Variants in ATE1 observed in about 807,000 individuals in gnomAD.
ATE1 encodes the protein arginyltransferase 1, also known as arginyl-tRNA--protein transferase 1.
ATE1 carries 36 observed loss-of-function variants against 70.5 expected under a neutral mutation model. The observed-to-expected ratio is 0.51, with a 90% CI of 0.39 to 0.67. The LOEUF (loss-of-function observed/expected upper bound fraction) is 0.67. Ranked by LOEUF, ATE1 falls within the 30% of genes least tolerant of loss-of-function variation. The pLI, the probability that ATE1 is intolerant of heterozygous loss-of-function variation, is 0.00. For synonymous variants in ATE1, 232 were observed against 219.3 expected (o/e 1.06, Z -0.51); for missense variants, 593 against 629.5 (o/e 0.94, Z 0.62).
chr10:121,865,689 A>G (rs1949641348), intron 8 of ATE1, among the ~76,000 whole-genome samples: 2 of 152,194 alleles, frequency 1.3e-5, no homozygotes, highest in South Asian at 4.1e-4. Flanking sequence ...GCCTGACTTG[A>G]CGAGGTGATA....
At chr10:121,817,436 G>A (rs1190154848) in intron 10 of ATE1, among the ~76,000 whole-genome samples, 1 of 152,108 alleles carries the variant, frequency 6.6e-6, no homozygotes, top group Non-Finnish European at 1.5e-5. Flanking sequence ...CTACTCGGGA[G>A]GCTGAGGCAG....
intron 3 of ATE1, among the ~76,000 whole-genome samples, chr10:121,915,030 G>C (rs924032457): frequency 7.9e-5 from 12 of 152,124 alleles, no homozygotes; most frequent in Admixed American, 1.3e-4. Context: ...ATTTCCAATG[G>C]AACACTGAAA....
intron 10 of ATE1, among the ~76,000 whole-genome samples, chr10:121,794,589 A>C (rs1267268592): frequency 7.8e-6 from 1 of 127,614 alleles, no homozygotes; most frequent in East Asian, 2.5e-4. Context: ...ACTCCAGATC[A>C]GGTGACAAAG....
chr10:121,863,737 A>T (rs962219749), intron 8 of ATE1, among the ~76,000 whole-genome samples: 4 of 152,036 alleles, frequency 2.6e-5, no homozygotes, highest in Non-Finnish European at 4.4e-5. Context: ...AGTCTCTCTC[A>T]CAGCTGGGAC....
chr10:121,909,288 C>T (rs1051998615), intron 5 of ATE1, among the ~76,000 whole-genome samples: 2 of 152,016 alleles, frequency 1.3e-5, no homozygotes, highest in African/African-American at 4.8e-5. Context: ...CACTCCTGGC[C>T]GTAAGAGATT....
intron 10 of ATE1, among the ~76,000 whole-genome samples, chr10:121,822,887 G>C (rs1164754164): frequency 6.6e-6 from 1 of 152,034 alleles, no homozygotes; most frequent in Non-Finnish European, 1.5e-5. Flanking sequence ...CTTTTGTCTG[G>C]GCATCTCTCA....
intron 10 of ATE1, among the ~76,000 whole-genome samples, chr10:121,798,678 TTACTTGAGGTC>T (rs1946754083): frequency 1.3e-5 from 2 of 152,112 alleles, no homozygotes; most frequent in Admixed American, 1.3e-4. Flanking sequence ...AATGGGTGGA[TTACTTGAGGTC>T]AGGAATTCGA....
intron 2 of ATE1, among the ~76,000 whole-genome samples, chr10:121,923,999 A>T (rs1951982747): frequency 6.6e-6 from 1 of 152,240 alleles, no homozygotes; most frequent in Non-Finnish European, 1.5e-5. Flanking sequence ...GAGCAGGAGA[A>T]TCAAACATGA....
chr10:121,858,387 A>G (rs940556713), intron 8 of ATE1, among the ~76,000 whole-genome samples: 4 of 151,878 alleles, frequency 2.6e-5, no homozygotes, highest in Non-Finnish European at 5.9e-5. Context: ...GTATGAAGTG[A>G]TATCTCATTT....
chr10:121,760,300 G>T (rs1944985478), intron 11 of ATE1, among the ~76,000 whole-genome samples: 1 of 152,212 alleles, frequency 6.6e-6, no homozygotes, highest in South Asian at 2.1e-4. Context: ...TACCATAAAA[G>T]TGATTCCTCT....
intron 10 of ATE1, among the ~76,000 whole-genome samples, chr10:121,819,775 G>A (rs1051327318): frequency 1.3e-5 from 2 of 150,748 alleles, no homozygotes; most frequent in Admixed American, 1.3e-4. Flanking sequence ...CACCACTAAA[G>A]GATTTATTCA....
Position 121,820,622 on chromosome 10 carries a change from C to T in ATE1, c.1257+16096G>A, listed in dbSNP as rs181269844. Among the ~76,000 whole-genome samples the T allele has an allele frequency of 3.6e-3, 545 of 152,246 alleles. 19 individuals carry two copies. The highest frequency in any genetic ancestry group is 0.033 in the Admixed American group (509 of 15,286). On this transcript the variant is annotated intron_variant, in intron 10 of 11. Transcript: ENST00000224652. ...ATGACTTATTTGCACAGTGCTTCAA[C>T]CATGCATTTGCTGTAGAAAACTGGC...
chr10:121,840,268 T>A (rs1358814691), intron 9 of ATE1, among the ~76,000 whole-genome samples: 1 of 152,228 alleles, frequency 6.6e-6, no homozygotes, highest in East Asian at 1.9e-4. Flanking sequence ...TGTATACATG[T>A]ATATTTCTTC....
Position 121,927,866 on chromosome 10 carries a change from G to A in ATE1, c.84C>T (p.Asn28=). The A allele has an allele frequency of 6.3e-7, 1 of 1,581,570 alleles. No individual in the cohort carries two copies. Among genetic ancestry groups the A allele is most frequent in the Non-Finnish European group, 8.6e-7 (1 of 1,167,250 alleles). ...CACCATTGGAGCGGCTGCCCGACTCGTTCTTGCAGTAGCCGCAGCGGTAGA... is the reference window on the plus strand; with the variant it reads ...CACCATTGGAGCGGCTGCCCGACTCATTCTTGCAGTAGCCGCAGCGGTAGA... The part of the protein sequence containing the change: ...EDFYRCGYCK[N]ESGSRSNGMW... Residue 28 remains asparagine (N), a synonymous_variant, in exon 1 of 12, where the codon AAC becomes AAT. Transcript: ENST00000224652.
chr10:121,861,199 GT>G (rs1054900556), intron 8 of ATE1, among the ~76,000 whole-genome samples: 3 of 152,146 alleles, frequency 2.0e-5, no homozygotes, highest in Non-Finnish European at 2.9e-5. Context: ...GCCAAAAGAT[GT>G]CTTAAATGAC....
Position 121,902,413 on chromosome 10 carries a change from T to C in ATE1, c.791A>G (p.Glu264Gly). ...LEDLIFESLPENASHKLEVRV... is the reference protein window; with the variant it reads ...LEDLIFESLPGNASHKLEVRV... ...TACCTCTAACTTGTGTGATGCATTC[T>C]CTGGTAAAGACTCAAAAATTAAATC... The change falls in exon 6 of 12, where the codon GAG becomes GGG. Residue 264 changes from glutamate (E) to glycine (G), a missense_variant. Around this residue, in one of 3 missense-constraint regions of ATE1, gnomAD observed 467 missense variants for 469.6 expected, o/e 0.99. Coordinates refer to ENST00000224652, the MANE Select transcript of ATE1 (RefSeq NM_001001976.3). The C allele has an allele frequency of 6.2e-7, 1 of 1,614,132 alleles. No homozygotes were observed. Among genetic ancestry groups the C allele is most frequent in the South Asian group, 1.1e-5 (1 of 91,080 alleles).
chr10:121,832,446 C>A (rs900408705), intron 10 of ATE1, among the ~76,000 whole-genome samples: 1 of 152,168 alleles, frequency 6.6e-6, no homozygotes, highest in East Asian at 1.9e-4. Flanking sequence ...TGTGTCCCCA[C>A]CTAAATCTCA....
At chr10:121,860,128 C>T (rs538837855) in intron 8 of ATE1, among the ~76,000 whole-genome samples, 12 of 151,924 alleles carry the variant, frequency 7.9e-5, no homozygotes, top group South Asian at 2.1e-4. Context: ...AATGAGAAAA[C>T]GCTATAATAC....
At chr10:121,833,301 T>TAA (rs535442683) in intron 10 of ATE1, among the ~76,000 whole-genome samples, 13 of 144,874 alleles carry the variant, frequency 9.0e-5, no homozygotes, top group Middle Eastern at 3.5e-3. Context: ...AAATCTTTGT[T>TAA]AAAAAAAAAA....
Sources: gnomAD v4.1 joint callset for allele counts (sites outside exome capture counted in the v4.1 genomes callset) on GRCh38, gnomAD v4.1.1 for gene constraint, gnomAD v4.1.1 regional missense constraint, MANE v1.5 for transcripts, NCBI Gene and HGNC (gene_info 2026-07-23, HGNC 2026-07-21) for gene names.